The following TENM3 variants were observed in gnomAD, a reference collection of about 807,000 sequenced individuals.
TENM3 encodes teneurin transmembrane protein 3, also known as teneurin-3.
A neutral mutation model predicts 255.1 loss-of-function variants in TENM3; 63 were observed. That is an observed-to-expected ratio of 0.25 (90% CI 0.20 to 0.30). The LOEUF is 0.30. Ranked by LOEUF, TENM3 falls within the 10% of genes least tolerant of loss-of-function variation. The probability of loss-of-function intolerance (pLI) is 1.00; values close to 1 mark genes in which losing one functional copy is unlikely to be tolerated. For missense variants in TENM3, 2,929 were observed against 3,461.1 expected, an observed-to-expected ratio of 0.85 and a Z score of 3.86; for synonymous variants, 1,306 against 1,322.3, an observed-to-expected ratio of 0.99 and a Z score of 0.27.
chr4:182,752,554 G>C (rs893485694), intron 20 of TENM3, among the ~76,000 whole-genome samples: 9 of 152,070 alleles, frequency 5.9e-5, no homozygotes, highest in African/African-American at 2.2e-4. Context: ...CGTGATAAAG[G>C]CTTTTAAACC....
rs992108473 is a variant in TENM3, at chr4:182,674,951, G to A, written c.1326+1732G>A. ...GAGTGCGATGGCATGATCTCGGCTC[G>A]CCACAACCTCCGCCTCCCGGGTTCA... On this transcript the variant is annotated intron_variant, in intron 7 of 27. Transcript: ENST00000511685. Among the ~76,000 whole-genome samples, 49 of 151,664 alleles carry A rather than the reference G, an allele frequency of 3.2e-4. 1 individual carries two copies. Among genetic ancestry groups the A allele is most frequent in the Non-Finnish European group, 7.4e-5 (5 of 67,932 alleles).
At chr4:182,332,406 G>A (rs1451959233) in intron 2 of TENM3, among the ~76,000 whole-genome samples, 1 of 152,070 alleles carries the variant, frequency 6.6e-6, no homozygotes, top group Non-Finnish European at 1.5e-5. Context: ...TAAGAAATGA[G>A]TTCAAGCCAG....
the TENM3 span, among the ~76,000 whole-genome samples, chr4:181,509,352 ACT>A: frequency 4.6e-5 from 7 of 151,566 alleles, no homozygotes; most frequent in South Asian, 1.0e-3. Context: ...AGAGTTTATT[ACT>A]CTCCTAAAAT....
intron 1 of TENM3, among the ~76,000 whole-genome samples, chr4:182,287,839 G>C (rs997069176): frequency 6.6e-6 from 1 of 151,988 alleles, no homozygotes; most frequent in Non-Finnish European, 1.5e-5. Flanking sequence ...GGCTGGTCTC[G>C]AACTCCTGAC....
chr4:182,502,957 A>G (rs1736469016), intron 3 of TENM3, among the ~76,000 whole-genome samples: 1 of 91,256 alleles, frequency 1.1e-5, no homozygotes, highest in South Asian at 3.4e-4. Flanking sequence ...ATATGTCTGT[A>G]TGTGAATGTC....
chr4:182,679,778 C>T lies in TENM3; in HGVS notation c.1439C>T (p.Ala480Val). 9 of 1,613,922 alleles carry T rather than the reference C, an allele frequency of 5.6e-6. No homozygotes were observed. The highest frequency in any genetic ancestry group is 7.6e-6 in the Non-Finnish European group (9 of 1,179,886). ...GCGAGATCCGTCAGCCTTCATGAGGCCGGCTTTATCCAGTACTTGGATTCT... is the reference window on the plus strand; with the variant it reads ...GCGAGATCCGTCAGCCTTCATGAGGTCGGCTTTATCCAGTACTTGGATTCT... ...RQARSVSLHE[A>V]GFIQYLDSGI... is the part of the protein sequence containing the mutation. Residue 480 changes from alanine (A) to valine (V), a missense_variant, in exon 8 of 28, where the codon GCC (alanine) becomes GTC (valine). Physicochemically the swap from Ala to Val is moderately conservative, Grantham distance 64. This residue lies in a region of TENM3 where 1,608 missense variants were observed against 1,884.4 expected (regional missense o/e 0.85). Transcript: ENST00000511685.
chr4:182,224,402 T>C (rs1318305997), intron 1 of TENM3, among the ~76,000 whole-genome samples: 4 of 152,200 alleles, frequency 2.6e-5, no homozygotes, highest in African/African-American at 9.7e-5. Context: ...AACAGTTGTT[T>C]GTGTACCTTG....
chr4:182,069,687 ACACAC>A, the TENM3 span, among the ~76,000 whole-genome samples: 3 of 2,766 alleles, frequency 1.1e-3, no homozygotes, highest in East Asian at 0.014. Context: ...AGATGCATAA[ACACAC>A]ACACACACAC....
At chr4:181,493,203 G>T in the TENM3 span, among the ~76,000 whole-genome samples, 1 of 151,272 alleles carries the variant, frequency 6.6e-6, no homozygotes, top group African/African-American at 2.4e-5. Context: ...GGCTAAGGCA[G>T]GTGGATCACT....
chr4:182,289,144 C>T (rs1179690055), intron 1 of TENM3, among the ~76,000 whole-genome samples: 1 of 152,242 alleles, frequency 6.6e-6, no homozygotes, highest in Non-Finnish European at 1.5e-5. Flanking sequence ...GTGGAAGGAT[C>T]ACTTGAGCCT....
At chr4:182,050,013 G>A in the TENM3 span, among the ~76,000 whole-genome samples, 1 of 139,768 alleles carries the variant, frequency 7.2e-6, no homozygotes, top group African/African-American at 2.5e-5. Flanking sequence ...TTTTTTTTGA[G>A]GCGGAGTCTC....
chr4:182,155,005 A>G (rs1750606453), intron 1 of TENM3, among the ~76,000 whole-genome samples: 2 of 152,208 alleles, frequency 1.3e-5, no homozygotes, highest in African/African-American at 4.8e-5. Context: ...TCCAATAAAT[A>G]CATTGAAAAT....
chr4:181,848,523 G>C, the TENM3 span, among the ~76,000 whole-genome samples: 55 of 151,156 alleles, frequency 3.6e-4, 1 homozygote, highest in East Asian at 7.3e-3. Flanking sequence ...TCCACAAACA[G>C]TGTTCTAGCT....
chr4:181,511,289 C>T, the TENM3 span, among the ~76,000 whole-genome samples: 2 of 152,164 alleles, frequency 1.3e-5, no homozygotes, highest in African/African-American at 4.8e-5. Context: ...ATTTTTAAAA[C>T]CTTGTCACAG....
intron 3 of TENM3, among the ~76,000 whole-genome samples, chr4:182,369,545 A>AT (rs1766656419): frequency 6.6e-6 from 1 of 152,130 alleles, no homozygotes; most frequent in Non-Finnish European, 1.5e-5. Flanking sequence ...GCGCAGTTGA[A>AT]TTCATTTCCT....
chr4:182,725,690 C>T (rs1387928078), intron 13 of TENM3, among the ~76,000 whole-genome samples: 2 of 137,572 alleles, frequency 1.5e-5, no homozygotes, highest in Non-Finnish European at 3.0e-5. Flanking sequence ...GGCTGGAGTG[C>T]AGTGGCGCGA....
chr4:182,091,724 C>A, the TENM3 span, among the ~76,000 whole-genome samples: 1 of 152,164 alleles, frequency 6.6e-6, no homozygotes, highest in Admixed American at 6.6e-5. Flanking sequence ...AATAGAGGGT[C>A]TTTTTGCCTT....
chr4:182,332,845 TAGAA>T (rs1763868313), intron 2 of TENM3, among the ~76,000 whole-genome samples: 1 of 151,490 alleles, frequency 6.6e-6, no homozygotes, highest in Non-Finnish European at 1.5e-5. Flanking sequence ...GCTAGTAAAA[TAGAA>T]AGCACCTATG....
intron 3 of TENM3, among the ~76,000 whole-genome samples, chr4:182,535,414 C>T (rs1463951430): frequency 6.6e-6 from 1 of 152,080 alleles, no homozygotes; most frequent in Non-Finnish European, 1.5e-5. Context: ...AGGATTTGGG[C>T]AGAGAGGGAG....
Sources: gnomAD v4.1 joint callset for allele counts (sites outside exome capture counted in the v4.1 genomes callset) on GRCh38, gnomAD v4.1.1 for gene constraint, gnomAD v4.1.1 regional missense constraint, MANE v1.5 for transcripts, NCBI Gene and HGNC (gene_info 2026-07-23, HGNC 2026-07-21) for gene names.